Variants in DACH1 observed in about 807,000 individuals in gnomAD.
DACH1 encodes the protein dachshund homolog 1.
A neutral mutation model predicts 54.2 loss-of-function variants in DACH1; 12 were observed. That is an observed-to-expected ratio of 0.22 (90% CI 0.14 to 0.36). The LOEUF (loss-of-function observed/expected upper bound fraction) is 0.36. Ranked by LOEUF, DACH1 falls within the 10% of genes least tolerant of loss-of-function variation. The pLI is 1.00. For synonymous variants in DACH1, 386 were observed against 366.2 expected, an observed-to-expected ratio of 1.05 and a Z score of -0.62; for missense variants, 805 against 929.8, an observed-to-expected ratio of 0.87 and a Z score of 1.75.
At chr13:71,714,820 G>A (rs1882894445) in intron 1 of DACH1, among the ~76,000 whole-genome samples, 1 of 151,952 alleles carries the variant, frequency 6.6e-6, no homozygotes, top group African/African-American at 2.4e-5. Flanking sequence ...AAAATAGAAA[G>A]GATGGAAAGA....
intron 8 of DACH1, among the ~76,000 whole-genome samples, chr13:71,476,576 A>C (rs1051617030): frequency 6.6e-6 from 1 of 152,078 alleles, no homozygotes; most frequent in African/African-American, 2.4e-5. Context: ...ATGAACCCCC[A>C]TTGCTAATAA....
intron 2 of DACH1, among the ~76,000 whole-genome samples, chr13:71,641,906 C>T (rs987635129): frequency 1.3e-5 from 2 of 152,052 alleles, no homozygotes; most frequent in African/African-American, 4.8e-5. Flanking sequence ...CCCATCTCAC[C>T]TAGGAACAGA....
chr13:71,826,380 A>T (rs1344332858), intron 1 of DACH1, among the ~76,000 whole-genome samples: 1 of 152,070 alleles, frequency 6.6e-6, no homozygotes, highest in Non-Finnish European at 1.5e-5. Context: ...CTACCTCAAA[A>T]TGGTTGCAGT....
At chr13:71,617,781 C>A (rs1473294310) in intron 3 of DACH1, among the ~76,000 whole-genome samples, 1 of 152,088 alleles carries the variant, frequency 6.6e-6, no homozygotes, top group Non-Finnish European at 1.5e-5. Flanking sequence ...TTTTCACTCA[C>A]GGACGTAGGC....
intron 6 of DACH1, among the ~76,000 whole-genome samples, chr13:71,530,302 G>T (rs143410465): frequency 1.2e-3 from 183 of 152,254 alleles, no homozygotes; most frequent in African/African-American, 4.3e-3. Context: ...GAAAGAGAAA[G>T]CATGTTTTCA....
intron 1 of DACH1, among the ~76,000 whole-genome samples, chr13:71,702,022 C>T (rs1263672364): frequency 6.6e-6 from 1 of 152,002 alleles, no homozygotes; most frequent in Non-Finnish European, 1.5e-5. Flanking sequence ...TCCTCTTCTT[C>T]TTATCCAAAA....
At chr13:71,779,189 G>A (rs1102213) in intron 1 of DACH1, among the ~76,000 whole-genome samples, 70 of 114,500 alleles carry the variant, frequency 6.1e-4, no homozygotes, top group South Asian at 2.4e-3. Flanking sequence ...ACATATATAC[G>A]TATATACGTA....
chr13:71,485,955 AT>A (rs766960668), intron 7 of DACH1, among the ~76,000 whole-genome samples: 4 of 151,700 alleles, frequency 2.6e-5, no homozygotes, highest in East Asian at 1.9e-4. Context: ...CTGGTGCCCA[AT>A]TTTTATATAT....
At chr13:71,675,182 A>G in intron 2 of DACH1, 1 of 1,585,996 alleles carries the variant, frequency 6.3e-7, no homozygotes, top group South Asian at 1.1e-5. Context: ...AAGAAACCTC[A>G]TCGTAACAGG....
At chr13:71,471,535 C>T (rs188893518) in intron 10 of DACH1, among the ~76,000 whole-genome samples, 174 of 151,898 alleles carry the variant, frequency 1.1e-3, no homozygotes, top group South Asian at 2.5e-3. Flanking sequence ...CCAAGCTGGG[C>T]GGATCACAAG....
At chr13:71,694,502 T>G (rs942803335) in intron 1 of DACH1, among the ~76,000 whole-genome samples, 3 of 152,250 alleles carry the variant, frequency 2.0e-5, no homozygotes, top group Non-Finnish European at 4.4e-5. Flanking sequence ...ATGATTTACA[T>G]TCATTGAATT....
At chr13:71,608,059 G>T (rs533653355) in intron 3 of DACH1, among the ~76,000 whole-genome samples, 1 of 147,384 alleles carries the variant, frequency 6.8e-6, no homozygotes, top group South Asian at 2.1e-4. Context: ...ATTACAATGT[G>T]TATATATATA....
intron 1 of DACH1, among the ~76,000 whole-genome samples, chr13:71,731,816 A>G (rs1243585398): frequency 6.6e-6 from 1 of 152,212 alleles, no homozygotes; most frequent in East Asian, 1.9e-4. Context: ...TTCATGCCTT[A>G]CATTCTTCAG....
At chr13:71,831,821 C>T (rs1410468000) in intron 1 of DACH1, among the ~76,000 whole-genome samples, 1 of 151,554 alleles carries the variant, frequency 6.6e-6, no homozygotes, top group Non-Finnish European at 1.5e-5. Context: ...AAACTGTAAT[C>T]AAGAATTTTT....
chr13:71,460,127 T>C (rs1213816375), intron 10 of DACH1, among the ~76,000 whole-genome samples: 2 of 152,010 alleles, frequency 1.3e-5, no homozygotes, highest in Non-Finnish European at 2.9e-5. Flanking sequence ...GCATTTGAGA[T>C]CCAAGTAGGC....
chr13:71,787,917 A>G (rs1347573953), intron 1 of DACH1, among the ~76,000 whole-genome samples: 3 of 152,228 alleles, frequency 2.0e-5, no homozygotes, highest in Non-Finnish European at 4.4e-5. Flanking sequence ...ATAAATGTTT[A>G]GGAGACTTAA....
chr13:71,774,604 T>A (rs1885988401), intron 1 of DACH1, among the ~76,000 whole-genome samples: 2 of 152,136 alleles, frequency 1.3e-5, no homozygotes, highest in Admixed American at 1.3e-4. Flanking sequence ...TTATAATCCA[T>A]GCTTTACAGA....
chr13:71,560,633 T>A (rs1246170159), intron 4 of DACH1, among the ~76,000 whole-genome samples: 1 of 152,178 alleles, frequency 6.6e-6, no homozygotes, highest in Non-Finnish European at 1.5e-5. Flanking sequence ...GTACTGTGCT[T>A]CCTGATACTC....
intron 1 of DACH1, among the ~76,000 whole-genome samples, chr13:71,757,025 A>G (rs1885195652): frequency 1.3e-5 from 2 of 152,198 alleles, no homozygotes; most frequent in Admixed American, 1.3e-4. Flanking sequence ...GTACAATTCA[A>G]TGCATAAAAC....
Sources: gnomAD v4.1 joint callset for allele counts (sites outside exome capture counted in the v4.1 genomes callset) on GRCh38, gnomAD v4.1.1 for gene constraint, MANE v1.5 for transcripts, NCBI Gene and HGNC (gene_info 2026-07-23, HGNC 2026-07-21) for gene names.